ARHGEF18: variants seen among roughly 807,000 people sequenced by gnomAD.
ARHGEF18 encodes rho guanine nucleotide exchange factor 18.
In ARHGEF18, 93 loss-of-function variants were observed where a neutral mutation model predicts 155.7. The ratio of observed to expected loss-of-function variants is 0.60; its 90% CI spans 0.50 to 0.71. The LOEUF is 0.71. Ranked by LOEUF, ARHGEF18 falls within the 30% of genes least tolerant of loss-of-function variation. The pLI, the probability that ARHGEF18 is intolerant of heterozygous loss-of-function variation, is 0.00. For synonymous variants in ARHGEF18, 742 were observed against 753.1 expected (o/e 0.99, Z 0.24); for missense variants, 1,593 against 1,816.1 (o/e 0.88, Z 2.23).
intron 10 of ARHGEF18, among the ~76,000 whole-genome samples, chr19:7,393,474 G>A (rs1971519804): frequency 6.6e-6 from 1 of 152,168 alleles, no homozygotes; most frequent in Non-Finnish European, 1.5e-5. Context: ...CTCCCAAAGT[G>A]TTAGGATTAC....
chr19:7,473,296 A>G (rs1022805102), downstream of ARHGEF18: 17 of 456,118 alleles, frequency 3.7e-5, no homozygotes, highest in African/African-American at 3.2e-4. Context: ...GGGAACTCTC[A>G]GGCAGCACTG....
the ARHGEF18 span, chr19:7,478,307 C>G: frequency 6.2e-7 from 1 of 1,610,206 alleles, no homozygotes; most frequent in Non-Finnish European, 8.5e-7. Flanking sequence ...TGATCACGGG[C>G]TCCTACCTGG....
intron 2 of ARHGEF18, among the ~76,000 whole-genome samples, chr19:7,366,308 C>T (rs1211628500): frequency 1.3e-5 from 2 of 152,206 alleles, no homozygotes; most frequent in Admixed American, 6.5e-5. Flanking sequence ...CTATTGGAAA[C>T]TTCCAGATTA....
At chr19:7,390,869 G>A (rs564034865) in intron 10 of ARHGEF18, 3 of 151,990 alleles carry the variant, frequency 2.0e-5, no homozygotes, top group Non-Finnish European at 4.4e-5. Context: ...GTGAAACACC[G>A]TCTCTACTAA....
At chr19:7,459,792 C>A in intron 19 of ARHGEF18, 111 bp from the exon 20 acceptor site, 1 of 868,544 alleles carries the variant, frequency 1.2e-6, no homozygotes, top group Non-Finnish European at 1.8e-6. Flanking sequence ...CAAGCTAAAT[C>A]ACTCCCAAAG....
chr19:7,451,404 C>CTT (rs35473770), intron 16 of ARHGEF18, 138 bp downstream of exon 16: 11,584 of 372,834 alleles, frequency 0.031, 8 homozygotes, highest in Middle Eastern at 0.041. Flanking sequence ...GGGTTCCTTC[C>CTT]TTTTTTTTTT....
In ARHGEF18 at chr19:7,379,156, C is replaced by T; in HGVS notation, c.634C>T (p.Gln212Ter). ...IVQQVLQELR[Q>*]YHGARQRACM... ...CCAGCAGGTGCTTCAAGAACTTCGACAGTACCATGGGTAAGTGGGAATCGG... is the reference window on the plus strand; with the variant it reads ...CCAGCAGGTGCTTCAAGAACTTCGATAGTACCATGGGTAAGTGGGAATCGG... The change falls in exon 7 of 29, where the codon CAG (glutamine) becomes TAG (stop). Residue 212 changes from glutamine (Q) to a stop codon, truncating the protein, a stop_gained. Transcript: ENST00000668164. LOFTEE classifies it high-confidence loss of function. The T allele has an allele frequency of 1.6e-6, 2 of 1,232,772 alleles. No homozygotes were observed. The highest frequency in any genetic ancestry group is 2.0e-6 in the Non-Finnish European group (2 of 988,502). The allele number at this position is 1,232,772 out of a possible 1,614,324, so 76.4% of individuals were successfully genotyped here. A position where few individuals can be genotyped will look rare whatever the true frequency, so the allele number is the denominator to read the frequency against.
intron 17 of ARHGEF18, among the ~76,000 whole-genome samples, chr19:7,455,867 T>C (rs1975793268): frequency 6.6e-6 from 1 of 152,180 alleles, no homozygotes; most frequent in South Asian, 2.1e-4. Context: ...CTGTCAGATC[T>C]TGTGAGACTC....
At chr19:7,424,441 G>A (rs747703048) in intron 10 of ARHGEF18, among the ~76,000 whole-genome samples, 23 of 152,090 alleles carry the variant, frequency 1.5e-4, no homozygotes, top group African/African-American at 7.2e-5. Context: ...TAACCTTTGC[G>A]TCCAAAATCT....
chr19:7,464,448 A>C, intron 22 of ARHGEF18, 112 bp from the exon 23 acceptor site: 1 of 1,374,778 alleles, frequency 7.3e-7, no homozygotes, highest in South Asian at 1.4e-5. Context: ...AGACGCCACC[A>C]TTCGGGCCTA....
At chr19:7,411,597 G>C (rs11260059) in intron 10 of ARHGEF18, among the ~76,000 whole-genome samples, 80,532 of 151,694 alleles carry the variant, frequency 0.53, 22,077 homozygotes, top group Middle Eastern at 0.73. Flanking sequence ...GTCAGCCACC[G>C]TGCCCAGCCA....
chr19:7,395,245 G>T lies in ARHGEF18; in HGVS notation c.967+12042G>T. ...AGAGCGGCCTGCGGGCGATCGGGCC[G>T]AGGTGAGGACGGCGGCGGGGCGGTC... On this transcript the variant is annotated intron_variant, in intron 10 of 28. Transcript: ENST00000668164. The surrounding 1 kb of genome is among the most constrained non-coding windows in gnomAD (Gnocchi z 5.0). The T allele has an allele frequency of 2.0e-6, 2 of 986,908 alleles. No individual in the cohort carries two copies. The highest frequency in any genetic ancestry group is 2.4e-6 in the Non-Finnish European group (2 of 831,198). The allele number at this position is 986,908 out of a possible 1,614,324, so 61.1% of individuals were successfully genotyped here.
rs35177521 is a variant in ARHGEF18, at chr19:7,395,164, G to C, written c.967+11961G>C. ...CCAGCTGCTAGCTACTGTGGATCTG[G>C]GGGGGCCGGACGGAGGCATCGGAGG... is the stretch of plus-strand genomic sequence containing the variant. On this transcript the variant is annotated intron_variant, in intron 10 of 28. Coordinates refer to ENST00000668164, the MANE Select transcript of ARHGEF18 (RefSeq NM_001367823.1). This position sits in a 1 kb window ranked among gnomAD's most constrained non-coding sequence, Gnocchi z 5.0. 0.052 allele frequency: 51,295 copies of C among 985,948 alleles called. 1,443 individuals are homozygous for C. Among genetic ancestry groups the C allele is most frequent in the Non-Finnish European group, 0.056 (46,880 of 830,334 alleles). 61.1% of individuals were successfully genotyped at this position (985,948 alleles called of 1,614,324 possible). A position where few individuals can be genotyped will look rare whatever the true frequency, so the allele number is the denominator to read the frequency against.
chr19:7,463,516 C>T lies in ARHGEF18; in HGVS notation c.2636-302C>T, dbSNP rs1331643276. Among the ~76,000 whole-genome samples, 1 of 152,240 alleles carries T rather than the reference C, an allele frequency of 6.6e-6. No homozygotes were observed. The highest frequency in any genetic ancestry group is 1.5e-5 in the Non-Finnish European group (1 of 68,040). The stretch of plus-strand genomic sequence containing the variant: ...CAGGGCCACATCCAGCATTCGCCAG[C>T]CCCTGGCCCAGGGCGGCCTGGTGGA... On this transcript the variant is annotated intron_variant, in intron 21 of 28. Transcript: ENST00000668164. This position sits in a 1 kb window ranked among gnomAD's most constrained non-coding sequence, Gnocchi z 5.2.
chr19:7,469,267 G>A (rs887971276), intron 27 of ARHGEF18, 136 bp downstream of exon 27: 15 of 1,163,266 alleles, frequency 1.3e-5, no homozygotes, highest in African/African-American at 3.1e-5. Flanking sequence ...AGCTGGCATC[G>A]TGGCTGAGGC....
intron 10 of ARHGEF18, among the ~76,000 whole-genome samples, chr19:7,403,184 C>T (rs539112642): frequency 8.5e-5 from 13 of 152,276 alleles, no homozygotes; most frequent in Admixed American, 5.2e-4. Context: ...TCAAGCAATC[C>T]GCCCGCCTTG....
In ARHGEF18 at chr19:7,462,303, G is replaced by A; in HGVS notation, c.2604G>A (p.Gly868=). 1.2e-6 allele frequency: 2 copies of A among 1,607,688 alleles called. No homozygotes were observed. The highest frequency in any genetic ancestry group is 1.7e-6 in the Non-Finnish European group (2 of 1,177,390). ...GGGACCCATCCGAGACCCTGCAGGGGGAGCTAATTCTCAAGTCGGCCATGA... is the reference window on the plus strand; with the variant it reads ...GGGACCCATCCGAGACCCTGCAGGGAGAGCTAATTCTCAAGTCGGCCATGA... The part of the protein sequence containing the change: ...RGGDPSETLQ[G]ELILKSAMSE... Residue 868 remains glycine, a synonymous_variant, in exon 21 of 29, where the codon GGG becomes GGA. Transcript: ENST00000668164. The surrounding 1 kb of genome is among the most constrained non-coding windows in gnomAD (Gnocchi z 4.4).
chr19:7,389,510 CCTTCCTTTCTTT>C (rs1307786572), intron 10 of ARHGEF18, among the ~76,000 whole-genome samples: 3,194 of 146,262 alleles, frequency 0.022, 131 homozygotes, highest in African/African-American at 0.076. Context: ...TTCCTTCCTT[CCTTCCTTTCTTT>C]CTTTCTTATT....
chr19:7,351,697 TCTCTCTC>T (rs1357991387), intron 1 of ARHGEF18, among the ~76,000 whole-genome samples: 4 of 64,162 alleles, frequency 6.2e-5, no homozygotes, highest in East Asian at 6.0e-4. Flanking sequence ...TGCCTCTCTC[TCTCTCTC>T]TTTTTTTTTT....
Sources: allele counts gnomAD v4.1 joint callset (sites outside exome capture counted in the v4.1 genomes callset), GRCh38; gene constraint gnomAD v4.1.1; non-coding constraint Gnocchi (gnomAD v3.1); transcripts MANE v1.5; gene names NCBI Gene and HGNC (gene_info 2026-07-23, HGNC 2026-07-21).